LRRN1: variants seen among roughly 807,000 people sequenced by gnomAD.
LRRN1 encodes the protein leucine-rich repeat neuronal protein 1.
In LRRN1, 14 loss-of-function variants were observed where a neutral mutation model predicts 45.8. That is an observed-to-expected ratio of 0.31 (90% CI 0.20 to 0.48). The LOEUF (loss-of-function observed/expected upper bound fraction) is 0.48, where lower values mean the gene tolerates loss of function less well. Ranked by LOEUF, LRRN1 falls within the 20% of genes least tolerant of loss-of-function variation. The probability of loss-of-function intolerance (pLI) is 0.99; values close to 1 mark genes in which losing one functional copy is unlikely to be tolerated. For missense variants in LRRN1, 789 were observed against 874.2 expected, an observed-to-expected ratio of 0.90 and a Z score of 1.23; for synonymous variants, 359 against 330.1, an observed-to-expected ratio of 1.09 and a Z score of -0.95.
chr3:3,802,825 G>A (rs1166371635), intron 1 of LRRN1, among the ~76,000 whole-genome samples: 2 of 152,148 alleles, frequency 1.3e-5, no homozygotes, highest in Non-Finnish European at 2.9e-5. Context: ...CCATTTTGTT[G>A]TAAAGTTATC....
intron 1 of LRRN1, among the ~76,000 whole-genome samples, chr3:3,805,373 C>T (rs1045828640): frequency 6.6e-6 from 1 of 152,124 alleles, no homozygotes; most frequent in Admixed American, 6.5e-5. Context: ...AGTGATAAGT[C>T]TTAGTTTGCA....
Position 3,845,017 on chromosome 3 carries a change from T to C in LRRN1, c.376T>C (p.Leu126=), listed in dbSNP as rs767464915. 7.4e-6 allele frequency: 12 copies of C among 1,614,066 alleles called. 1 individual carries two copies. The highest frequency in any genetic ancestry group is 1.7e-4 in the Middle Eastern group (1 of 6,060). ...CCTAACCCAGCTCACAACGCTGCAT[T>C]TGGAGGAAAATCAGATTACCGAGAT... ...ANLTQLTTLH[L]EENQITEMTD... The change falls in exon 2 of 2, where the codon TTG becomes CTG. Residue 126 remains leucine (L), a synonymous_variant. Coordinates refer to ENST00000319331, the MANE Select transcript of LRRN1 (RefSeq NM_020873.7). This position sits in a 1 kb window ranked among gnomAD's most constrained non-coding sequence, Gnocchi z 6.5.
chr3:3,848,743 G>T lies in LRRN1; in HGVS notation c.*1951G>T, dbSNP rs113330061. Reference sequence around the variant, plus strand: ...CCAGGGAGGGCTTGCAGCTTACCCAGTTCGGACTCCTGCCAGTTCAGCGCT... The same window carrying T: ...CCAGGGAGGGCTTGCAGCTTACCCATTTCGGACTCCTGCCAGTTCAGCGCT... On this transcript the variant is annotated 3_prime_UTR_variant, in exon 2 of 2. Coordinates refer to ENST00000319331, the MANE Select transcript of LRRN1 (RefSeq NM_020873.7). Among the ~76,000 whole-genome samples the T allele has an allele frequency of 6.6e-6, 1 of 152,144 alleles. No individual in the cohort carries two copies.
chr3:3,834,460 T>C (rs184087377), intron 1 of LRRN1, among the ~76,000 whole-genome samples: 14 of 136,600 alleles, frequency 1.0e-4, no homozygotes, highest in African/African-American at 2.4e-4. Flanking sequence ...TTTAATATTC[T>C]GTTCCTTTAG....
At chr3:3,817,847 C>T (rs1693019209) in intron 1 of LRRN1, among the ~76,000 whole-genome samples, 1 of 152,130 alleles carries the variant, frequency 6.6e-6, no homozygotes, top group Non-Finnish European at 1.5e-5. Flanking sequence ...AAATGTTAGC[C>T]ATTTTCTTGA....
chr3:3,830,194 T>C (rs1286696279), intron 1 of LRRN1, among the ~76,000 whole-genome samples: 1 of 152,176 alleles, frequency 6.6e-6, no homozygotes, highest in East Asian at 1.9e-4. Context: ...TCTGCTGAGG[T>C]CACCCATTGG....
intron 1 of LRRN1, among the ~76,000 whole-genome samples, chr3:3,827,859 A>G (rs1282405736): frequency 6.6e-6 from 1 of 152,154 alleles, no homozygotes; most frequent in East Asian, 1.9e-4. Flanking sequence ...ATTTAGCTTT[A>G]ATACAATATT....
intron 1 of LRRN1, among the ~76,000 whole-genome samples, chr3:3,831,951 C>T (rs1033741117): frequency 2.0e-5 from 3 of 152,190 alleles, no homozygotes; most frequent in Non-Finnish European, 2.9e-5. Flanking sequence ...TTCTGATGGG[C>T]CTTATGGACA....
chr3:3,805,120 G>T (rs1005336178), intron 1 of LRRN1, among the ~76,000 whole-genome samples: 1 of 152,150 alleles, frequency 6.6e-6, no homozygotes, highest in Non-Finnish European at 1.5e-5. Context: ...TTTTCAATTT[G>T]CAGGGGGACA....
chr3:3,820,635 G>T (rs1222827017), intron 1 of LRRN1, among the ~76,000 whole-genome samples: 1 of 152,154 alleles, frequency 6.6e-6, no homozygotes, highest in African/African-American at 2.4e-5. Flanking sequence ...CAAATTACAT[G>T]AACTTTACGA....
intron 1 of LRRN1, among the ~76,000 whole-genome samples, chr3:3,829,402 A>C (rs1693315107): frequency 6.6e-6 from 1 of 152,146 alleles, no homozygotes; most frequent in Non-Finnish European, 1.5e-5. Context: ...GGAATAGGAA[A>C]CAAAAATTTT....
chr3:3,844,974 G>A lies in LRRN1; in HGVS notation c.333G>A (p.Lys111=). The change falls in exon 2 of 2, where the codon AAG becomes AAA. Residue 111 remains lysine, a synonymous_variant. Transcript: ENST00000319331. ...DFSQNNFTNI[K]EVGLANLTQL... is the part of the protein sequence containing the mutation. ...CCCAAAACAACTTTACTAACATTAA[G>A]GAGGTCGGGCTGGCAAACCTAACCC... is the stretch of plus-strand genomic sequence containing the variant. The A allele has an allele frequency of 6.2e-7, 1 of 1,614,094 alleles. No homozygotes were observed. Among genetic ancestry groups the A allele is most frequent in the Non-Finnish European group, 8.5e-7 (1 of 1,180,008 alleles).
chr3:3,806,800 G>A (rs1332092656), intron 1 of LRRN1, among the ~76,000 whole-genome samples: 1 of 152,164 alleles, frequency 6.6e-6, no homozygotes, highest in African/African-American at 2.4e-5. Flanking sequence ...GTAACTGAGG[G>A]ACAAGAGTCA....
rs1355693176 is a variant in LRRN1, at chr3:3,844,631, A to G, written c.-11A>G. 6.2e-7 allele frequency: 1 copy of G among 1,600,320 alleles called. No individual in the cohort carries two copies. On this transcript the variant is annotated 5_prime_UTR_variant, in exon 2 of 2. Transcript: ENST00000319331. ...GGGGTGTCAGGAGTTGAGCTTGCTC[A>G]GCAAGCCAGCATGGCTAGGATGAGC...
chr3:3,810,439 T>G (rs1045903702), intron 1 of LRRN1, among the ~76,000 whole-genome samples: 1 of 152,244 alleles, frequency 6.6e-6, no homozygotes, highest in African/African-American at 2.4e-5. Flanking sequence ...AGTATCATCG[T>G]CATCATACAA....
intron 1 of LRRN1, among the ~76,000 whole-genome samples, chr3:3,823,300 T>C (rs1693143517): frequency 6.6e-6 from 1 of 152,130 alleles, no homozygotes; most frequent in African/African-American, 2.4e-5. Flanking sequence ...TTCATCACTT[T>C]CTAGATGTGT....
intron 1 of LRRN1, among the ~76,000 whole-genome samples, chr3:3,828,152 A>T (rs200157418): frequency 8.1e-5 from 11 of 135,642 alleles, no homozygotes; most frequent in Admixed American, 5.1e-4. Flanking sequence ...ATATATATAT[A>T]TTATATATAT....
chr3:3,830,590 A>T (rs984463813), intron 1 of LRRN1, among the ~76,000 whole-genome samples: 1 of 152,206 alleles, frequency 6.6e-6, no homozygotes, highest in South Asian at 2.1e-4. Context: ...TCAACTGATC[A>T]TAGGGAACTC....
chr3:3,837,174 C>T (rs556372143), intron 1 of LRRN1, among the ~76,000 whole-genome samples: 21 of 152,276 alleles, frequency 1.4e-4, no homozygotes, highest in African/African-American at 2.9e-4. Flanking sequence ...GGGAAGATGC[C>T]GGCCCAGGCA....
Sources: gnomAD v4.1 joint callset for allele counts (sites outside exome capture counted in the v4.1 genomes callset) on GRCh38, gnomAD v4.1.1 for gene constraint, Gnocchi (gnomAD v3.1) non-coding constraint, MANE v1.5 for transcripts, NCBI Gene and HGNC (gene_info 2026-07-23, HGNC 2026-07-21) for gene names.